Variants in RNF111 observed in about 807,000 individuals in gnomAD.
The protein encoded by RNF111 is ring finger protein 111.
Under a neutral mutation model 95.1 loss-of-function variants are expected in RNF111, and 17 were observed. That is an observed-to-expected ratio of 0.18 (90% CI 0.12 to 0.27). RNF111 has a LOEUF of 0.27. Ranked by LOEUF, RNF111 falls within the 10% of genes least tolerant of loss-of-function variation. RNF111 has a pLI of 1.00. For synonymous variants in RNF111, 440 were observed against 414.8 expected (o/e 1.06, Z -0.74); for missense variants, 1,189 against 1,210.4 (o/e 0.98, Z 0.26).
At chr15:59,015,355 CAT>C (rs745993161) in intron 1 of RNF111, among the ~76,000 whole-genome samples, 1 of 152,028 alleles carries the variant, frequency 6.6e-6, no homozygotes, top group Admixed American at 6.5e-5. Context: ...TATGAATTCA[CAT>C]ATAGTTTTAC....
intron 10 of RNF111, among the ~76,000 whole-genome samples, chr15:59,087,928 G>A (rs1185864954): frequency 6.6e-6 from 1 of 152,192 alleles, no homozygotes; most frequent in Admixed American, 6.5e-5. Flanking sequence ...CAGTAATGGT[G>A]AGTGATGTAG....
At chr15:59,073,194 G>C (rs1300431150) in intron 6 of RNF111, among the ~76,000 whole-genome samples, 2 of 152,014 alleles carry the variant, frequency 1.3e-5, no homozygotes, top group African/African-American at 4.8e-5. Flanking sequence ...AAAGAGCCTG[G>C]GTGCAGTGGC....
Position 59,008,692 on chromosome 15 carries a change from G to T in RNF111, c.-20+20624G>T, listed in dbSNP as rs1596062802. Among the ~76,000 whole-genome samples the T allele has an allele frequency of 2.6e-5, 4 of 152,214 alleles. No individual in the cohort carries two copies. The South Asian group carries it at 8.3e-4, about 32-fold the overall frequency. On this transcript the variant is annotated intron_variant, in intron 1 of 13. Coordinates refer to ENST00000348370, the MANE Select transcript of RNF111 (RefSeq NM_017610.8). ...TCTGTCAGTTTGCTGTTTGTTTTCTGTTTGTCCCACCTGTCCCTTTTCTCT... is the reference window on the plus strand; with the variant it reads ...TCTGTCAGTTTGCTGTTTGTTTTCTTTTTGTCCCACCTGTCCCTTTTCTCT...
chr15:59,060,785 CATT>C (rs3052989), intron 5 of RNF111, among the ~76,000 whole-genome samples: 32 of 146,780 alleles, frequency 2.2e-4, no homozygotes, highest in African/African-American at 3.1e-4. Context: ...CTTTATGTAG[CATT>C]ATTATTATTA....
Position 59,069,354 on chromosome 15 carries a change from T to C in RNF111, c.1686+2271T>C, listed in dbSNP as rs2042808567. Among the ~76,000 whole-genome samples the C allele has an allele frequency of 3.3e-5, 5 of 152,312 alleles. No homozygotes were observed. The South Asian group carries it at 1.0e-3, about 32-fold the overall frequency. On this transcript the variant is annotated intron_variant, in intron 6 of 13. Coordinates refer to ENST00000348370, the MANE Select transcript of RNF111 (RefSeq NM_017610.8). ...TTGGTTACATGATGCTTCATAAATA[T>C]TGTAGGAAAATGGTGAAGAGGTGGG...
At chr15:59,062,665 C>CT (rs779822029) in intron 5 of RNF111, among the ~76,000 whole-genome samples, 3 of 152,040 alleles carry the variant, frequency 2.0e-5, no homozygotes, top group Non-Finnish European at 2.9e-5. Flanking sequence ...TATAATAACT[C>CT]TGATTTTTAC....
rs879169448 is a variant in RNF111, at chr15:59,052,310, A to G, written c.886A>G (p.Ile296Val). The change falls in exon 3 of 14, where the codon ATT becomes GTT. Residue 296 changes from isoleucine to valine, a missense_variant. This residue lies in a region of RNF111 where 1,024 missense variants were observed against 925.9 expected (regional missense o/e 1.11). Coordinates refer to ENST00000348370, the MANE Select transcript of RNF111 (RefSeq NM_017610.8). ...QNNPAVPSGS[I>V]DEDVVVIEAS... The stretch of plus-strand genomic sequence containing the variant: ...TTTTTTCTTTTTGTTTCCAGGAAGT[A>G]TTGATGAAGATGTTGTGGTGATAGA... 3 of 1,575,628 alleles carry G rather than the reference A, an allele frequency of 1.9e-6. No individual in the cohort carries two copies. Among genetic ancestry groups the G allele is most frequent in the Non-Finnish European group, 2.6e-6 (3 of 1,164,808 alleles).
Position 59,057,727 on chromosome 15 carries a change from G to C in RNF111, c.1172-629G>C, listed in dbSNP as rs550864870. Among the ~76,000 whole-genome samples, 21 of 152,284 alleles carry C rather than the reference G, an allele frequency of 1.4e-4. No individual in the cohort carries two copies. The South Asian group carries it at 4.4e-3, about 32-fold the overall frequency. ...AACATATAAAAAGGCATGGAAAGGA[G>C]ATTAAAACAGTTATTGGAAATCATA... On this transcript the variant is annotated intron_variant, in intron 4 of 13. Transcript: ENST00000348370.
intron 3 of RNF111, among the ~76,000 whole-genome samples, chr15:59,053,687 G>A (rs542340286): frequency 2.0e-5 from 3 of 152,154 alleles, no homozygotes; most frequent in Admixed American, 1.3e-4. Context: ...ATAGTGCTTG[G>A]TACAACATTG....
At chr15:59,024,229 T>A (rs2040489130) in intron 1 of RNF111, among the ~76,000 whole-genome samples, 1 of 152,210 alleles carries the variant, frequency 6.6e-6, no homozygotes, top group Non-Finnish European at 1.5e-5. Flanking sequence ...GCTATTGGTG[T>A]CACCATATTC....
intron 6 of RNF111, among the ~76,000 whole-genome samples, chr15:59,069,082 A>G (rs1472386770): frequency 6.6e-6 from 1 of 151,998 alleles, no homozygotes; most frequent in Non-Finnish European, 1.5e-5. Flanking sequence ...TCAAAAAAAA[A>G]AAAAAAAAAA....
rs2079169732 is a variant in RNF111 at position 59,095,901 on chromosome 15, C to T, written c.*1001C>T. 2.5e-6 allele frequency: 1 copy of T among 397,062 alleles called. No homozygotes were observed. The highest frequency in any genetic ancestry group is 4.4e-5 in the Admixed American group (1 of 22,684). 24.6% of individuals were successfully genotyped at this position (397,062 alleles called of 1,614,324 possible). A position where few individuals can be genotyped will look rare whatever the true frequency, so the allele number is the denominator to read the frequency against. On this transcript the variant is annotated 3_prime_UTR_variant, in exon 14 of 14. Coordinates refer to ENST00000348370, the MANE Select transcript of RNF111 (RefSeq NM_017610.8). ...GCATTCATAGAACTTATAAAGGTCC[C>T]AGGATCACTTTTAAGGGATTTTTAT...
chr15:59,032,819 A>C (rs1252007610), intron 2 of RNF111, among the ~76,000 whole-genome samples: 1 of 152,206 alleles, frequency 6.6e-6, no homozygotes, highest in Non-Finnish European at 1.5e-5. Flanking sequence ...ATGATACATC[A>C]ATTAAAATTG....
intron 4 of RNF111, among the ~76,000 whole-genome samples, chr15:59,058,048 C>A (rs1452547342): frequency 1.3e-5 from 2 of 152,182 alleles, no homozygotes; most frequent in Admixed American, 6.5e-5. Flanking sequence ...TTTCCTTTTA[C>A]TGTTTTCTTC....
At position 59,096,378 on chromosome 15, in the gene RNF111, A is replaced by G; in HGVS notation, c.*1478A>G. ...TGAAGATGTCAATAAGCTTGCATTA[A>G]GCCACCTGCTTTGTAAGTGGATTGA... On this transcript the variant is annotated 3_prime_UTR_variant, in exon 14 of 14. Transcript: ENST00000348370. The G allele has an allele frequency of 3.4e-6, 1 of 293,044 alleles. No homozygotes were observed. The highest frequency in any genetic ancestry group is 1.6e-4 in the South Asian group (1 of 6,070). The allele number at this position is 293,044 out of a possible 1,614,324, so 18.2% of individuals were successfully genotyped here.
chr15:59,038,254 CTT>C (rs570713817), intron 2 of RNF111, among the ~76,000 whole-genome samples: 55 of 152,220 alleles, frequency 3.6e-4, no homozygotes, highest in Admixed American at 7.2e-4. Flanking sequence ...TCACTAGAAA[CTT>C]TGTCTCAAAC....
chr15:59,013,812 A>G (rs762042032), intron 1 of RNF111, among the ~76,000 whole-genome samples: 3 of 151,940 alleles, frequency 2.0e-5, no homozygotes, highest in Non-Finnish European at 4.4e-5. Context: ...TTTGGAGACA[A>G]GAGTCTCACT....
At chr15:58,990,388 G>A (rs2038757608) in intron 1 of RNF111, among the ~76,000 whole-genome samples, 2 of 152,202 alleles carry the variant, frequency 1.3e-5, no homozygotes, top group South Asian at 4.1e-4. Context: ...GGCCAGGCGT[G>A]GTGGCTCACC....
chr15:59,027,134 A>G (rs1368539579), intron 1 of RNF111, among the ~76,000 whole-genome samples: 3 of 152,188 alleles, frequency 2.0e-5, no homozygotes, highest in Non-Finnish European at 4.4e-5. Context: ...GCAAGTTTTC[A>G]TTGCTTCTCA....
Sources: allele counts gnomAD v4.1 joint callset (sites outside exome capture counted in the v4.1 genomes callset), GRCh38; gene constraint gnomAD v4.1.1; regional missense constraint gnomAD v4.1.1; transcripts MANE v1.5; gene names NCBI Gene and HGNC (gene_info 2026-07-23, HGNC 2026-07-21).